Variants in DENND2A observed in about 807,000 individuals in gnomAD.
DENND2A encodes DENN domain-containing protein 2A.
Under a neutral mutation model 105.3 loss-of-function variants are expected in DENND2A, and 53 were observed. The ratio of observed to expected loss-of-function variants is 0.50; its 90% CI spans 0.40 to 0.63. DENND2A has a LOEUF of 0.63. Ranked by LOEUF, DENND2A falls within the 30% of genes least tolerant of loss-of-function variation. DENND2A has a pLI of 0.00. For missense variants in DENND2A, 1,138 were observed against 1,279.6 expected (o/e 0.89, Z 1.69); for synonymous variants, 522 against 508.4 (o/e 1.03, Z -0.36).
At chr7:140,547,883 C>T (rs1434741849) in intron 12 of DENND2A, among the ~76,000 whole-genome samples, 1 of 152,080 alleles carries the variant, frequency 6.6e-6, no homozygotes, top group Non-Finnish European at 1.5e-5. Context: ...TCATAAAAGG[C>T]CATCTAATGT....
chr7:140,589,929 C>T (rs192118563), intron 3 of DENND2A, among the ~76,000 whole-genome samples: 1 of 152,296 alleles, frequency 6.6e-6, no homozygotes, highest in African/African-American at 2.4e-5. Context: ...TTTTTAAAAT[C>T]TCATTGGAAA....
rs568050929 is a variant in DENND2A at position 140,555,323 on chromosome 7, G to A, written c.2037+313C>T. Among the ~76,000 whole-genome samples the A allele has an allele frequency of 1.1e-3, 163 of 151,828 alleles. 3 individuals carry two copies. Among genetic ancestry groups the A allele is most frequent in the African/African-American group, 3.5e-3 (145 of 41,412 alleles). On this transcript the variant is annotated intron_variant, in intron 12 of 19. Coordinates refer to ENST00000496613, the MANE Select transcript of DENND2A (RefSeq NM_015689.5). ...TAATTTTTTTTTTGTATTTTTAGTAGGGATGGGCTTTCACCATGCTGGCCA... is the reference window on the plus strand; with the variant it reads ...TAATTTTTTTTTTGTATTTTTAGTAAGGATGGGCTTTCACCATGCTGGCCA...
chr7:140,543,402 G>T (rs1036025880), intron 14 of DENND2A, among the ~76,000 whole-genome samples: 3 of 150,866 alleles, frequency 2.0e-5, no homozygotes, highest in Non-Finnish European at 4.4e-5. Flanking sequence ...CCTAAAGTGC[G>T]GTGATTACAG....
chr7:140,546,037 GA>G (rs1156680793), intron 13 of DENND2A, among the ~76,000 whole-genome samples: 1 of 152,160 alleles, frequency 6.6e-6, no homozygotes, highest in Non-Finnish European at 1.5e-5. Context: ...CTCTGAAACT[GA>G]AGACTCAAGG....
chr7:140,565,447 T>C (rs1255885739), intron 9 of DENND2A, among the ~76,000 whole-genome samples: 3 of 152,156 alleles, frequency 2.0e-5, no homozygotes, highest in African/African-American at 7.2e-5. Flanking sequence ...AGAAAATTGC[T>C]TGAATGCAAT....
At chr7:140,570,600 ACGC>A (rs1798053777) in intron 6 of DENND2A, among the ~76,000 whole-genome samples, 1 of 152,144 alleles carries the variant, frequency 6.6e-6, no homozygotes, top group Non-Finnish European at 1.5e-5. Flanking sequence ...GCAGAGGGAC[ACGC>A]TCCCCAGATG....
At chr7:140,606,118 G>A (rs748513949) in intron 1 of DENND2A, among the ~76,000 whole-genome samples, 38 of 152,068 alleles carry the variant, frequency 2.5e-4, no homozygotes, top group African/African-American at 7.5e-4. Flanking sequence ...TTGGCTCACC[G>A]CAACCTGCGC....
At position 140,559,064 on chromosome 7, in the gene DENND2A, A is replaced by G. The variant is rs747403515; in HGVS notation, c.1889+644T>C. On this transcript the variant is annotated intron_variant, in intron 10 of 19. Transcript: ENST00000496613. The surrounding 1 kb of genome is among the most constrained non-coding windows in gnomAD (Gnocchi z 4.1). ...GGGTGCTGTCCTCAGGGAACTGAGC[A>G]TGTGTGAGTGCAGTGACATCTGCTC... Among the ~76,000 whole-genome samples the G allele has an allele frequency of 1.3e-5, 2 of 152,142 alleles. No individual in the cohort carries two copies. The highest frequency in any genetic ancestry group is 2.9e-5 in the Non-Finnish European group (2 of 68,022).
intron 12 of DENND2A, among the ~76,000 whole-genome samples, chr7:140,552,330 C>T (rs982472712): frequency 2.6e-5 from 4 of 151,682 alleles, no homozygotes; most frequent in African/African-American, 9.7e-5. Context: ...ATTTTCCCTT[C>T]CTTCCTTTCC....
intron 11 of DENND2A, 42 bp from the exon 12 acceptor site, chr7:140,555,755 C>T: frequency 6.5e-7 from 1 of 1,527,008 alleles, no homozygotes; most frequent in Non-Finnish European, 8.8e-7. Context: ...GTGTTGACAA[C>T]CTCAGGGAAG....
chr7:140,557,696 T>C (rs1326747827), intron 11 of DENND2A, among the ~76,000 whole-genome samples: 3 of 146,890 alleles, frequency 2.0e-5, no homozygotes, highest in East Asian at 2.1e-4. Context: ...CGTGCCACCA[T>C]GCCCGGCTAA....
At chr7:140,539,188 G>A (rs1309839590) in intron 14 of DENND2A, among the ~76,000 whole-genome samples, 5 of 152,226 alleles carry the variant, frequency 3.3e-5, no homozygotes, top group Admixed American at 2.0e-4. Flanking sequence ...CCAAACCCTT[G>A]TTTGTCATGG....
At chr7:140,633,550 A>C (rs539898020) in intron 1 of DENND2A, among the ~76,000 whole-genome samples, 1 of 152,310 alleles carries the variant, frequency 6.6e-6, no homozygotes, top group East Asian at 1.9e-4. Flanking sequence ...TTAGTGCTGA[A>C]TCAAATTTGA....
At chr7:140,636,684 CTTTTTTTTTTTTT>C (rs35563637) in intron 1 of DENND2A, among the ~76,000 whole-genome samples, 4 of 98,384 alleles carry the variant, frequency 4.1e-5, no homozygotes, top group African/African-American at 1.2e-4. Context: ...CCTCCCCAGC[CTTTTTTTTTTTTT>C]TTTTTTTTTT....
intron 12 of DENND2A, among the ~76,000 whole-genome samples, chr7:140,552,282 T>TTTTC (rs1319014747): frequency 6.6e-6 from 1 of 152,010 alleles, no homozygotes; most frequent in Non-Finnish European, 1.5e-5. Flanking sequence ...ATAGCATTCA[T>TTTTC]TTTCTTTCTT....
At chr7:140,596,493 C>G (rs766602553) in intron 3 of DENND2A, among the ~76,000 whole-genome samples, 3 of 152,190 alleles carry the variant, frequency 2.0e-5, no homozygotes, top group Non-Finnish European at 4.4e-5. Context: ...AGGGTTGCTG[C>G]CCAGCCAGAG....
chr7:140,577,826 G>A (rs557508641), intron 5 of DENND2A, among the ~76,000 whole-genome samples: 2 of 152,292 alleles, frequency 1.3e-5, no homozygotes, highest in East Asian at 3.9e-4. Flanking sequence ...GAATGCACCT[G>A]GCTGTGTTTC....
chr7:140,567,022 A>G (rs545153746), intron 9 of DENND2A, 64 bp downstream of exon 9: 113 of 1,435,772 alleles, frequency 7.9e-5, no homozygotes, highest in Admixed American at 1.7e-4. Context: ...CCCTCAATTC[A>G]TGAGTCCCAA....
At chr7:140,543,148 C>G (rs1344850300) in intron 14 of DENND2A, among the ~76,000 whole-genome samples, 2 of 145,038 alleles carry the variant, frequency 1.4e-5, no homozygotes, top group Non-Finnish European at 3.0e-5. Context: ...GAGACAAGGT[C>G]TTGTTCTGTT....
Sources: allele counts gnomAD v4.1 joint callset (sites outside exome capture counted in the v4.1 genomes callset), GRCh38; gene constraint gnomAD v4.1.1; non-coding constraint Gnocchi (gnomAD v3.1); transcripts MANE v1.5; gene names NCBI Gene and HGNC (gene_info 2026-07-23, HGNC 2026-07-21).